USP10: variants seen among roughly 807,000 people sequenced by gnomAD.
USP10 encodes ubiquitin carboxyl-terminal hydrolase 10.
A neutral mutation model predicts 84.5 loss-of-function variants in USP10; 22 were observed. That is an observed-to-expected ratio of 0.26 (90% CI 0.19 to 0.37). The LOEUF is 0.37. Among genes scored for constraint, USP10 ranks in the 10% least tolerant of loss-of-function variants. The pLI is 1.00. For missense variants in USP10, 1,019 were observed against 998.9 expected (o/e 1.02, Z -0.27); for synonymous variants, 454 against 387.6 (o/e 1.17, Z -2.01).
At chr16:84,756,094 C>A (rs12103304) in intron 4 of USP10, among the ~76,000 whole-genome samples, 36 of 139,772 alleles carry the variant, frequency 2.6e-4, no homozygotes, top group African/African-American at 7.8e-4. Context: ...CCCCACCCCC[C>A]GCCCCCCATC....
chr16:84,769,490 C>T (rs535028102), intron 11 of USP10, among the ~76,000 whole-genome samples: 2 of 152,142 alleles, frequency 1.3e-5, no homozygotes, highest in Non-Finnish European at 2.9e-5. Context: ...AGTGAATGAG[C>T]TAAGAAGAGT....
intron 2 of USP10, among the ~76,000 whole-genome samples, chr16:84,735,693 G>C (rs777148356): frequency 2.0e-5 from 3 of 152,170 alleles, no homozygotes; most frequent in African/African-American, 7.2e-5. Flanking sequence ...CACAGAAGAC[G>C]TGACTGTGTC....
At chr16:84,704,627 T>C in intron 1 of USP10, 1 of 1,303,542 alleles carries the variant, frequency 7.7e-7, no homozygotes, top group Admixed American at 2.9e-5. Flanking sequence ...TTGGGGTATG[T>C]GTATAGTATT....
At chr16:84,713,646 G>T (rs1302707561) in intron 1 of USP10, among the ~76,000 whole-genome samples, 1 of 152,172 alleles carries the variant, frequency 6.6e-6, no homozygotes, top group Non-Finnish European at 1.5e-5. Flanking sequence ...CTTCATGAAA[G>T]ACATACCACA....
At chr16:84,714,913 GATT>G (rs754656504) in intron 1 of USP10, among the ~76,000 whole-genome samples, 116 of 147,882 alleles carry the variant, frequency 7.8e-4, no homozygotes, top group African/African-American at 1.3e-3. Context: ...AAAAAGTTCT[GATT>G]ATTATTATTA....
At chr16:84,718,043 T>C (rs775726335) in intron 1 of USP10, among the ~76,000 whole-genome samples, 4 of 152,070 alleles carry the variant, frequency 2.6e-5, no homozygotes, top group East Asian at 1.9e-4. Flanking sequence ...GAGAGAGAGA[T>C]TGGGAGATTA....
intron 1 of USP10, among the ~76,000 whole-genome samples, chr16:84,714,702 C>G (rs1432791332): frequency 6.6e-6 from 1 of 151,656 alleles, no homozygotes; most frequent in African/African-American, 2.4e-5. Context: ...ATCTTATTTC[C>G]TAGAGCAAAT....
At chr16:84,738,748 C>G (rs535113191) in intron 2 of USP10, among the ~76,000 whole-genome samples, 14 of 152,216 alleles carry the variant, frequency 9.2e-5, no homozygotes, top group Non-Finnish European at 2.1e-4. Context: ...TCATAATTCT[C>G]TGGGAAGAGA....
At chr16:84,712,389 G>A (rs1906429206) in intron 1 of USP10, among the ~76,000 whole-genome samples, 2 of 152,184 alleles carry the variant, frequency 1.3e-5, no homozygotes, top group South Asian at 4.1e-4. Context: ...GGTCAGGAAG[G>A]CTTTCTTGAG....
At chr16:84,732,638 G>T in intron 1 of USP10, 1 of 303,820 alleles carries the variant, frequency 3.3e-6, no homozygotes, top group Non-Finnish European at 6.4e-6. Context: ...GTAAAGATGG[G>T]GGTTTCACCA....
At chr16:84,777,557 G>A (rs1208231833) in intron 13 of USP10, among the ~76,000 whole-genome samples, 1 of 152,164 alleles carries the variant, frequency 6.6e-6, no homozygotes, top group Non-Finnish European at 1.5e-5. Context: ...GCTCTCCGAA[G>A]TACGGGCCCC....
intron 10 of USP10, among the ~76,000 whole-genome samples, chr16:84,766,325 G>T (rs1004145259): frequency 6.6e-6 from 1 of 152,240 alleles, no homozygotes; most frequent in Non-Finnish European, 1.5e-5. Context: ...CTATTCTGGT[G>T]CTCTGTGGAG....
At chr16:84,759,610 G>T in intron 6 of USP10, 138 bp downstream of exon 6, 1 of 830,778 alleles carries the variant, frequency 1.2e-6, no homozygotes, top group Non-Finnish European at 1.9e-6. Flanking sequence ...ATAGACTGTT[G>T]GCGATTTTAT....
At chr16:84,706,136 G>A (rs758529765) in intron 1 of USP10, among the ~76,000 whole-genome samples, 29 of 152,096 alleles carry the variant, frequency 1.9e-4, no homozygotes, top group Non-Finnish European at 4.0e-4. Flanking sequence ...TTCTGCTTCA[G>A]CTTCCTAAAG....
chr16:84,778,098 T>C (rs1022811334), intron 13 of USP10, among the ~76,000 whole-genome samples: 1 of 151,832 alleles, frequency 6.6e-6, no homozygotes, highest in East Asian at 1.9e-4. Flanking sequence ...TAACTGTGTG[T>C]GTGTGTGTGT....
chr16:84,726,240 C>T (rs1908457796), intron 1 of USP10, among the ~76,000 whole-genome samples: 1 of 152,184 alleles, frequency 6.6e-6, no homozygotes, highest in Non-Finnish European at 1.5e-5. Flanking sequence ...ACTGATAGTC[C>T]CCAGCGTCTC....
intron 3 of USP10, among the ~76,000 whole-genome samples, chr16:84,741,841 C>G (rs1249113835): frequency 1.3e-5 from 2 of 152,332 alleles, no homozygotes; most frequent in East Asian, 1.9e-4. Context: ...ATGGACCTGC[C>G]TCTCTTTCCA....
chr16:84,738,236 C>A (rs1910187898), intron 2 of USP10, among the ~76,000 whole-genome samples: 1 of 152,144 alleles, frequency 6.6e-6, no homozygotes, highest in African/African-American at 2.4e-5. Context: ...GTGAAGAGAA[C>A]ATTGATATAA....
chr16:84,765,460 A>C (rs1597391760), intron 10 of USP10, among the ~76,000 whole-genome samples: 3 of 143,502 alleles, frequency 2.1e-5, no homozygotes, highest in Non-Finnish European at 1.5e-5. Flanking sequence ...TCTTTTCCCT[A>C]TCTCTGTAGT....
Sources: allele counts gnomAD v4.1 joint callset (sites outside exome capture counted in the v4.1 genomes callset), GRCh38; gene constraint gnomAD v4.1.1; transcripts MANE v1.5; gene names NCBI Gene and HGNC (gene_info 2026-07-23, HGNC 2026-07-21).